Variants in RAB5A observed in about 807,000 individuals in gnomAD.
RAB5A encodes RAB5A, member RAS oncogene family.
RAB5A carries 8 observed loss-of-function variants against 25.7 expected under a neutral mutation model. That is an observed-to-expected ratio of 0.31 (90% CI 0.18 to 0.56). RAB5A has a LOEUF of 0.56. Among genes scored for constraint, RAB5A ranks in the 20% least tolerant of loss-of-function variants. RAB5A has a pLI of 0.91. For missense variants in RAB5A, 192 were observed against 259.7 expected (o/e 0.74, Z 1.79); for synonymous variants, 98 against 89.8 (o/e 1.09, Z -0.52).
At chr3:19,980,561 C>T (rs905864653) in intron 5 of RAB5A, among the ~76,000 whole-genome samples, 4 of 151,766 alleles carry the variant, frequency 2.6e-5, no homozygotes, top group Non-Finnish European at 5.9e-5. Context: ...GTTACTCGTT[C>T]TAGTTTACCT....
chr3:19,950,777 A>G, intron 1 of RAB5A, 29 bp from the exon 2 acceptor site: 2 of 967,084 alleles, frequency 2.1e-6, no homozygotes, highest in Non-Finnish European at 3.0e-6. Flanking sequence ...ACTGATTTGT[A>G]TATTTAATTC....
chr3:19,962,276 A>G (rs1478863936), intron 2 of RAB5A, among the ~76,000 whole-genome samples: 1 of 152,184 alleles, frequency 6.6e-6, no homozygotes, highest in Non-Finnish European at 1.5e-5. Context: ...GCCTTAGAAA[A>G]TACAATCTAC....
chr3:19,982,801 T>C (rs1416779922), intron 5 of RAB5A, among the ~76,000 whole-genome samples: 1 of 151,682 alleles, frequency 6.6e-6, no homozygotes, highest in Non-Finnish European at 1.5e-5. Flanking sequence ...ATAGATGTTT[T>C]AAGGCCAAAG....
intron 5 of RAB5A, among the ~76,000 whole-genome samples, chr3:19,980,915 A>G (rs866077168): frequency 6.6e-6 from 1 of 152,216 alleles, no homozygotes; most frequent in Non-Finnish European, 1.5e-5. Context: ...ATGCTGATGT[A>G]GAATGGAATG....
chr3:19,982,591 T>C (rs1696950422), intron 5 of RAB5A, among the ~76,000 whole-genome samples: 1 of 152,118 alleles, frequency 6.6e-6, no homozygotes, highest in Non-Finnish European at 1.5e-5. Flanking sequence ...GGCTCATGCT[T>C]GCAGTCCCAG....
chr3:19,956,371 T>C (rs903575982), intron 2 of RAB5A, among the ~76,000 whole-genome samples: 2 of 151,968 alleles, frequency 1.3e-5, no homozygotes, highest in Non-Finnish European at 2.9e-5. Context: ...GGAGAAACAT[T>C]TGAACCCAGG....
chr3:19,985,084 A>G lies in RAB5A; in HGVS notation c.*1261A>G. 6.9e-6 allele frequency: 2 copies of G among 287,996 alleles called. No homozygotes were observed. Among genetic ancestry groups the G allele is most frequent in the Non-Finnish European group, 1.3e-5 (2 of 155,250 alleles). 17.8% of individuals were successfully genotyped at this position (287,996 alleles called of 1,614,324 possible). ...GTTGGACTGCTAGGAGAACTTGTAC[A>G]TTTATGATAATGCAGAATTAGGAAA... is the stretch of plus-strand genomic sequence containing the variant. On this transcript the variant is annotated 3_prime_UTR_variant, in exon 6 of 6. Coordinates refer to ENST00000273047, the MANE Select transcript of RAB5A (RefSeq NM_004162.5).
chr3:19,980,923 A>G (rs1008524928), intron 5 of RAB5A, among the ~76,000 whole-genome samples: 1 of 152,232 alleles, frequency 6.6e-6, no homozygotes, highest in African/African-American at 2.4e-5. Context: ...GTAGAATGGA[A>G]TGTGTAGAAC....
intron 1 of RAB5A, among the ~76,000 whole-genome samples, chr3:19,949,927 A>T (rs1290386430): frequency 1.3e-5 from 2 of 151,794 alleles, no homozygotes; most frequent in African/African-American, 4.8e-5. Flanking sequence ...AGTCTCAGCT[A>T]CTCAGGAGGT....
intron 2 of RAB5A, among the ~76,000 whole-genome samples, chr3:19,965,006 C>T (rs1040960932): frequency 5.3e-5 from 8 of 152,220 alleles, no homozygotes; most frequent in Non-Finnish European, 7.3e-5. Context: ...TCTCAGCTCA[C>T]TGCAACATCT....
chr3:19,975,829 T>C, intron 3 of RAB5A, 77 bp downstream of exon 3: 1 of 1,462,482 alleles, frequency 6.8e-7, no homozygotes, highest in Non-Finnish European at 9.2e-7. Context: ...TTAAATGTTT[T>C]GGAAAATCTT....
intron 2 of RAB5A, among the ~76,000 whole-genome samples, chr3:19,966,882 G>A (rs1272865360): frequency 1.3e-5 from 2 of 152,102 alleles, no homozygotes; most frequent in Admixed American, 6.6e-5. Context: ...ACAGCACACT[G>A]CAGCCTGACC....
intron 5 of RAB5A, among the ~76,000 whole-genome samples, chr3:19,982,187 A>C (rs192716068): frequency 2.0e-5 from 3 of 152,254 alleles, no homozygotes; most frequent in African/African-American, 7.2e-5. Flanking sequence ...GCAGTGAGCT[A>C]TGATTGATGC....
At position 19,950,952 on chromosome 3, in the gene RAB5A, A is replaced by T. The variant is rs11545950; in HGVS notation, c.54A>T (p.Ile18=). The T allele has an allele frequency of 4.3e-3, 6,921 of 1,613,992 alleles. 23 individuals carry two copies. Among genetic ancestry groups the T allele is most frequent in the Middle Eastern group, 7.6e-3 (46 of 6,040 alleles). ...ACGGGCCAAATACGGGAAATAAAATATGCCAGTTCAAACTAGTACTTCTGG... is the reference window on the plus strand; with the variant it reads ...ACGGGCCAAATACGGGAAATAAAATTTGCCAGTTCAAACTAGTACTTCTGG... The part of the protein sequence containing the change: ...RPNGPNTGNK[I]CQFKLVLLGE... The change falls in exon 2 of 6, where the codon ATA becomes ATT. Residue 18 remains isoleucine (I), a synonymous_variant. Transcript: ENST00000273047.
chr3:19,956,643 A>G (rs1696506887), intron 2 of RAB5A, among the ~76,000 whole-genome samples: 1 of 152,248 alleles, frequency 6.6e-6, no homozygotes, highest in Non-Finnish European at 1.5e-5. Flanking sequence ...TATTATTAAC[A>G]TACTATTTTA....
chr3:19,970,564 A>G (rs1696735674), intron 2 of RAB5A: 1 of 456,730 alleles, frequency 2.2e-6, no homozygotes, highest in Non-Finnish European at 4.4e-6. Flanking sequence ...TCGAAGTGAT[A>G]AAAGCTGTTT....
chr3:19,963,769 C>G (rs975036159), intron 2 of RAB5A, among the ~76,000 whole-genome samples: 2 of 152,058 alleles, frequency 1.3e-5, no homozygotes, highest in Non-Finnish European at 1.5e-5. Flanking sequence ...CTCACCCTCC[C>G]AAGTAGATGG....
chr3:19,964,841 C>T (rs7625637), intron 2 of RAB5A, among the ~76,000 whole-genome samples: 77 of 151,458 alleles, frequency 5.1e-4, no homozygotes, highest in African/African-American at 1.9e-3. Flanking sequence ...TGAACTACCT[C>T]AGGTCCCACC....
chr3:19,978,431 T>A, intron 5 of RAB5A, 28 bp downstream of exon 5: 1 of 1,491,788 alleles, frequency 6.7e-7, no homozygotes, highest in Non-Finnish European at 9.3e-7. Flanking sequence ...TTTTAAATGA[T>A]CAATATAAGC....
Sources: gnomAD v4.1 joint callset for allele counts (sites outside exome capture counted in the v4.1 genomes callset) on GRCh38, gnomAD v4.1.1 for gene constraint, MANE v1.5 for transcripts, NCBI Gene and HGNC (gene_info 2026-07-23, HGNC 2026-07-21) for gene names.